GMDS: variants seen among roughly 807,000 people sequenced by gnomAD.
GMDS encodes GDP-mannose 4,6-dehydratase, also known as GDP-mannose 4,6 dehydratase.
A neutral mutation model predicts 49.9 loss-of-function variants in GMDS; 20 were observed. That is an observed-to-expected ratio of 0.40 (90% confidence interval 0.28 to 0.58). The LOEUF is 0.58. Among genes scored for constraint, GMDS ranks in the 20% least tolerant of loss-of-function variants. The pLI is 0.42. For missense variants in GMDS, 362 were observed against 481.4 expected, an observed-to-expected ratio of 0.75 and a Z score of 2.32; for synonymous variants, 177 against 178.6, an observed-to-expected ratio of 0.99 and a Z score of 0.07.
At chr6:2,067,662 T>G (rs985623118) in intron 4 of GMDS, among the ~76,000 whole-genome samples, 1 of 152,020 alleles carries the variant, frequency 6.6e-6, no homozygotes, top group Non-Finnish European at 1.5e-5. Flanking sequence ...CTAGAAAATC[T>G]AGAAGAAACA....
intron 7 of GMDS, among the ~76,000 whole-genome samples, chr6:1,762,832 A>C (rs1289946464): frequency 6.6e-6 from 1 of 152,198 alleles, no homozygotes; most frequent in African/African-American, 2.4e-5. Flanking sequence ...CAAACTGATA[A>C]ATTTTAAATG....
At chr6:2,055,223 A>G (rs73412554) in intron 4 of GMDS, among the ~76,000 whole-genome samples, 3,158 of 151,994 alleles carry the variant, frequency 0.021, 68 homozygotes, top group South Asian at 0.094. Flanking sequence ...GGACAATATT[A>G]TAACATTCTT....
intron 6 of GMDS, among the ~76,000 whole-genome samples, chr6:1,951,476 T>C (rs1303924075): frequency 6.6e-6 from 1 of 152,228 alleles, no homozygotes; most frequent in Non-Finnish European, 1.5e-5. Flanking sequence ...TAGTACACCA[T>C]CCATTTGTGG....
At chr6:2,179,405 G>A (rs1258727769) in intron 1 of GMDS, among the ~76,000 whole-genome samples, 2 of 152,158 alleles carry the variant, frequency 1.3e-5, no homozygotes, top group Non-Finnish European at 2.9e-5. Flanking sequence ...TGCCCACTGT[G>A]GTAGTATTAA....
rs1158217277 is a variant in GMDS, at chr6:1,682,678, T to C, written c.987+43738A>G. Among the ~76,000 whole-genome samples, 4 of 12,254 alleles carry C rather than the reference T, an allele frequency of 3.3e-4. 2 individuals are homozygous for C. The highest frequency in any genetic ancestry group is 1.2e-3 in the African/African-American group (4 of 3,432). The allele number at this position is 12,254 out of a possible 152,430, so 8.0% of individuals were successfully genotyped here. The stretch of plus-strand genomic sequence containing the variant: ...TCCGCCTCCCGGGTTCACGCCATTC[T>C]CCTGCCTCAGCCTCCCAAGTAGCTG... On this transcript the variant is annotated intron_variant, in intron 9 of 10. Transcript: ENST00000380815.
intron 1 of GMDS, among the ~76,000 whole-genome samples, chr6:2,231,667 G>A (rs1412970017): frequency 1.3e-5 from 2 of 152,192 alleles, no homozygotes; most frequent in African/African-American, 4.8e-5. Context: ...CTTTTATGGT[G>A]CTCAATATCA....
intron 4 of GMDS, among the ~76,000 whole-genome samples, chr6:1,983,518 T>G (rs1765350102): frequency 6.6e-6 from 1 of 151,862 alleles, no homozygotes; most frequent in African/African-American, 2.4e-5. Flanking sequence ...ATTAGGAACT[T>G]AAATCTACAA....
rs375828300 is a variant in GMDS at position 2,016,087 on chromosome 6, T to TAAA, written c.346-55124_346-55122dup. Among the ~76,000 whole-genome samples the TAAA allele has an allele frequency of 7.5e-3, 1,007 of 134,746 alleles. 8 individuals carry two copies. The highest frequency in any genetic ancestry group is 0.011 in the Non-Finnish European group (716 of 64,456). The allele number at this position is 134,746 out of a possible 152,430, so 88.4% of individuals were successfully genotyped here. A position where few individuals can be genotyped will look rare whatever the true frequency, so the allele number is the denominator to read the frequency against. On this transcript the variant is annotated intron_variant, in intron 4 of 10. Coordinates refer to ENST00000380815, the MANE Select transcript of GMDS (RefSeq NM_001500.4). Reference sequence around the variant, plus strand: ...GTTTCTAAAAAAAAAAAAAATAAATTAAAAAAAAAAAAAACAGAAAAATTA... The same window carrying TAAA: ...GTTTCTAAAAAAAAAAAAAATAAATTAAAAAAAAAAAAAAAAACAGAAAAATTA...
At chr6:1,631,084 G>A (rs1030841626) in intron 9 of GMDS, among the ~76,000 whole-genome samples, 2 of 152,288 alleles carry the variant, frequency 1.3e-5, no homozygotes, top group Non-Finnish European at 2.9e-5. Flanking sequence ...GAGATAAAGC[G>A]CCTTTGAGTG....
intron 4 of GMDS, among the ~76,000 whole-genome samples, chr6:2,015,221 T>C (rs1280537323): frequency 6.6e-6 from 1 of 152,160 alleles, no homozygotes; most frequent in Non-Finnish European, 1.5e-5. Flanking sequence ...TTAATTGATA[T>C]TTACTGATTA....
At chr6:1,973,200 C>T (rs1426984493) in intron 4 of GMDS, among the ~76,000 whole-genome samples, 1 of 152,116 alleles carries the variant, frequency 6.6e-6, no homozygotes, top group Non-Finnish European at 1.5e-5. Context: ...TCAATAGGTT[C>T]CTGACCTCAA....
rs560698538 is a variant in GMDS at position 2,188,531 on chromosome 6, G to A, written c.102+56790C>T. On this transcript the variant is annotated intron_variant, in intron 1 of 10. Coordinates refer to ENST00000380815, the MANE Select transcript of GMDS (RefSeq NM_001500.4). ...AAAAGTAGTTAAGAGGTTTTAATTC[G>A]TACTCTTTGCAGCAATGAAGTATGT... Among the ~76,000 whole-genome samples, 12 of 152,206 alleles carry A rather than the reference G, an allele frequency of 7.9e-5. No individual in the cohort carries two copies. The South Asian group carries it at 8.3e-4, about 11-fold the overall frequency.
intron 4 of GMDS, among the ~76,000 whole-genome samples, chr6:2,034,714 C>T (rs565903294): frequency 1.1e-4 from 17 of 152,290 alleles, no homozygotes; most frequent in Admixed American, 1.3e-4. Flanking sequence ...GGGGTGTCTG[C>T]GAAGCCAAAA....
chr6:1,635,613 G>A lies in GMDS; in HGVS notation c.988-11073C>T, dbSNP rs936125665. 6.6e-6 allele frequency among the ~76,000 whole-genome samples: 1 copy of A among 152,206 alleles called. No individual in the cohort carries two copies. Among genetic ancestry groups the A allele is most frequent in the South Asian group, 2.1e-4 (1 of 4,826 alleles). On this transcript the variant is annotated intron_variant, in intron 9 of 10. Transcript: ENST00000380815. The surrounding 1 kb of genome is among the most constrained non-coding windows in gnomAD (Gnocchi z 4.7). Reference sequence around the variant, plus strand: ...ACCCTTGGCAGGTGCTTTGTTTGCCGTCGGGGCCAGCCTCACTGACAAGGC... The same window carrying A: ...ACCCTTGGCAGGTGCTTTGTTTGCCATCGGGGCCAGCCTCACTGACAAGGC...
chr6:2,102,924 C>T (rs565093937), intron 4 of GMDS, among the ~76,000 whole-genome samples: 10 of 152,328 alleles, frequency 6.6e-5, no homozygotes, highest in Admixed American at 5.9e-4. Flanking sequence ...AAACCGCCTA[C>T]ACTACTAAAA....
intron 9 of GMDS, among the ~76,000 whole-genome samples, chr6:1,637,527 C>T (rs1189889127): frequency 6.6e-6 from 1 of 152,252 alleles, no homozygotes; most frequent in East Asian, 1.9e-4. Flanking sequence ...ATAAAGCGGA[C>T]ACTTGTGGCA....
intron 1 of GMDS, among the ~76,000 whole-genome samples, chr6:2,219,596 C>T (rs1780490187): frequency 6.6e-6 from 1 of 152,148 alleles, no homozygotes; most frequent in African/African-American, 2.4e-5. Flanking sequence ...ATGTAAATGT[C>T]TCAGGAACTT....
chr6:2,086,156 C>T (rs1170258022), intron 4 of GMDS, among the ~76,000 whole-genome samples: 2 of 152,128 alleles, frequency 1.3e-5, no homozygotes, highest in African/African-American at 4.8e-5. Context: ...CCAGACATGA[C>T]ATGTAGAACA....
intron 7 of GMDS, among the ~76,000 whole-genome samples, chr6:1,805,889 A>C (rs1173934238): frequency 6.6e-6 from 1 of 152,200 alleles, no homozygotes; most frequent in African/African-American, 2.4e-5. Flanking sequence ...ACTCTGGTAT[A>C]AGGTATTTAG....
Sources: gnomAD v4.1 joint callset for allele counts (sites outside exome capture counted in the v4.1 genomes callset) on GRCh38, gnomAD v4.1.1 for gene constraint, Gnocchi (gnomAD v3.1) non-coding constraint, MANE v1.5 for transcripts, NCBI Gene and HGNC (gene_info 2026-07-23, HGNC 2026-07-21) for gene names.